AKTIP: variants seen among roughly 807,000 people sequenced by gnomAD.
The protein encoded by AKTIP is AKT interacting protein.
Under a neutral mutation model 39.1 loss-of-function variants are expected in AKTIP, and 16 were observed. That is an observed-to-expected ratio of 0.41 (90% CI 0.28 to 0.62). The LOEUF (loss-of-function observed/expected upper bound fraction) is 0.62, where lower values mean the gene tolerates loss of function less well. Ranked by LOEUF, AKTIP falls within the 20% of genes least tolerant of loss-of-function variation. The pLI is 0.32. For synonymous variants in AKTIP, 93 were observed against 124.3 expected (o/e 0.75, Z 1.67); for missense variants, 262 against 356.6 (o/e 0.73, Z 2.14).
chr16:53,493,713 T>G lies in AKTIP; in HGVS notation c.710+425A>C, dbSNP rs772118394. On this transcript the variant is annotated intron_variant, in intron 8 of 9. Coordinates refer to ENST00000394657, the MANE Select transcript of AKTIP (RefSeq NM_022476.4). Reference sequence around the variant, plus strand: ...CCATTCCCAATACTCCTCCAGACACTGTTCCTTAAATCAAATGTCATAGTG... The same window carrying G: ...CCATTCCCAATACTCCTCCAGACACGGTTCCTTAAATCAAATGTCATAGTG... The G allele has an allele frequency of 5.5e-5, 10 of 181,734 alleles. No homozygotes were observed. The East Asian group carries it at 1.4e-3, about 25-fold the overall frequency. 11.3% of individuals were successfully genotyped at this position (181,734 alleles called of 1,614,324 possible).
chr16:53,495,425 T>G (rs895473872), intron 3 of AKTIP, 99 bp from the exon 4 acceptor site: 11 of 1,136,506 alleles, frequency 9.7e-6, no homozygotes, highest in Non-Finnish European at 1.4e-5. Flanking sequence ...GGCCCCTCAA[T>G]GGGCAGCTGA....
chr16:53,496,820 G>A (rs912881959), intron 3 of AKTIP, among the ~76,000 whole-genome samples: 1 of 151,992 alleles, frequency 6.6e-6, no homozygotes, highest in South Asian at 2.1e-4. Flanking sequence ...CAGCCTGGGT[G>A]ACACAGTGAG....
Position 53,492,539 on chromosome 16 carries a change from C to T in AKTIP, c.772-20G>A, listed in dbSNP as rs760227817. On this transcript the variant is annotated intron_variant, in intron 9 of 9. Transcript: ENST00000394657. ...AGGCTTCTTCTAGGCACAATCAAAACAGATATTTAAAAAATTACTGGTGAG... is the reference window on the plus strand; with the variant it reads ...AGGCTTCTTCTAGGCACAATCAAAATAGATATTTAAAAAATTACTGGTGAG... The T allele has an allele frequency of 6.8e-6, 11 of 1,613,208 alleles. No individual in the cohort carries two copies. The highest frequency in any genetic ancestry group is 1.3e-5 in the African/African-American group (1 of 74,890).
chr16:53,500,186 G>A (rs751299482), intron 2 of AKTIP, 32 bp downstream of exon 2: 3 of 1,544,546 alleles, frequency 1.9e-6, no homozygotes, highest in South Asian at 2.3e-5. Flanking sequence ...AAGCAAATGG[G>A]TTTTCTTACT....
chr16:53,501,195 C>T (rs1032288705), intron 1 of AKTIP: 2 of 152,192 alleles, frequency 1.3e-5, no homozygotes, highest in Admixed American at 1.3e-4. Flanking sequence ...ACTAAGACGA[C>T]AAAAGTAGTT....
At chr16:53,502,139 G>T (rs935846023) in intron 1 of AKTIP, among the ~76,000 whole-genome samples, 4 of 152,148 alleles carry the variant, frequency 2.6e-5, no homozygotes, top group Non-Finnish European at 5.9e-5. Context: ...AGTAAATTTT[G>T]TCCCCAGTTC....
In AKTIP at chr16:53,498,735, G is replaced by T; in HGVS notation, c.43-139C>A. The stretch of plus-strand genomic sequence containing the variant: ...ACACCATGACCAAGATGACTAGAAA[G>T]TCCTTTGGGCAGGCAGGTCATATAA... On this transcript the variant is annotated intron_variant, in intron 2 of 9. Transcript: ENST00000394657. 4 of 856,276 alleles carry T rather than the reference G, an allele frequency of 4.7e-6. No homozygotes were observed. In the South Asian group the frequency reaches 5.0e-5, roughly 11 times the overall value. The allele number at this position is 856,276 out of a possible 1,614,324, so 53.0% of individuals were successfully genotyped here.
At position 53,498,542 on chromosome 16, in the gene AKTIP, G is replaced by A. The variant is rs1961978361; in HGVS notation, c.97C>T (p.Arg33Ter). 1.2e-6 allele frequency: 2 copies of A among 1,614,114 alleles called. No homozygotes were observed. The highest frequency in any genetic ancestry group is 1.7e-5 in the Admixed American group (1 of 60,028). The change falls in exon 3 of 10, where the codon CGA becomes TGA. Residue 33 changes from arginine (R) to a stop codon, truncating the protein, a stop_gained. Transcript: ENST00000394657. LOFTEE classifies it high-confidence loss of function. ...GGCAGCTGTTTCTTTGGTGCAGTTC[G>A]TGGAGGACTGGTTTTCACGTCCCCT... ...LTGDVKTSPP[R>*]TAPKKQLPSI...
chr16:53,492,784 T>C (rs1405500573), intron 8 of AKTIP, 31 bp from the exon 9 acceptor site: 3 of 1,596,620 alleles, frequency 1.9e-6, no homozygotes, highest in Non-Finnish European at 2.6e-6. Context: ...TTAAAAACTA[T>C]TTGTTGGCTC....
At chr16:53,497,331 G>A (rs1194958472) in intron 3 of AKTIP, among the ~76,000 whole-genome samples, 2 of 152,148 alleles carry the variant, frequency 1.3e-5, no homozygotes, top group Non-Finnish European at 2.9e-5. Context: ...TGCAGACCTC[G>A]GTGACCAGTC....
Position 53,492,482 on chromosome 16 carries a change from G to C in AKTIP, c.809C>G (p.Ala270Gly). ...GCCAGGCTTTACCCATGACAGGCCA[G>C]CAACATGAACACTTTTATTGTGCTG... ...EEQHNKSVHV[A>G]GLSWVKPGSV... The change falls in exon 10 of 10, where the codon GCT (alanine) becomes GGT (glycine). Residue 270 changes from alanine (A) to glycine (G), a missense_variant. By Grantham distance (60) the Ala-to-Gly change is moderately conservative (BLOSUM62 0). Coordinates refer to ENST00000394657, the MANE Select transcript of AKTIP (RefSeq NM_022476.4). The C allele has an allele frequency of 6.2e-7, 1 of 1,613,938 alleles. No individual in the cohort carries two copies.
At chr16:53,503,409 C>G (rs1237528794), upstream of AKTIP, among the ~76,000 whole-genome samples, 1 of 152,222 alleles carries the variant, frequency 6.6e-6, no homozygotes, top group African/African-American at 2.4e-5. Flanking sequence ...GGGAAGAACA[C>G]ACTCGGTCCT....
intron 5 of AKTIP, 63 bp downstream of exon 5, chr16:53,495,010 T>C: frequency 1.4e-6 from 2 of 1,412,984 alleles, no homozygotes; most frequent in Non-Finnish European, 2.0e-6. Context: ...CCAGGAAAGC[T>C]GTAAGCCCTT....
rs1961424587 is a variant in AKTIP, at chr16:53,491,214, C to T, written c.*1198G>A. 6.6e-6 allele frequency: 1 copy of T among 152,072 alleles called. No individual in the cohort carries two copies. The highest frequency in any genetic ancestry group is 1.5e-5 in the Non-Finnish European group (1 of 68,014). 9.4% of individuals were successfully genotyped at this position (152,072 alleles called of 1,614,324 possible). A position where few individuals can be genotyped will look rare whatever the true frequency, so the allele number is the denominator to read the frequency against. ...GGGGATTAATATGAAAACTTATGAC[C>T]TCTTCCTTTAGGAGGGAGTTATCTA... On this transcript the variant is annotated 3_prime_UTR_variant, in exon 10 of 10. Transcript: ENST00000394657.
At chr16:53,498,336 T>A in intron 3 of AKTIP, 55 bp downstream of exon 3, 1 of 1,566,270 alleles carries the variant, frequency 6.4e-7, no homozygotes, top group Non-Finnish European at 8.8e-7. Context: ...TAAATTTCAT[T>A]CTTCACTTTA....
upstream of AKTIP, chr16:53,504,372 T>C (rs1962346692): frequency 6.6e-6 from 1 of 152,232 alleles, no homozygotes; most frequent in African/African-American, 2.4e-5. Context: ...AGAAGCCGCA[T>C]TCTCTGGCCG....
intron 1 of AKTIP, 114 bp from the exon 2 acceptor site, chr16:53,500,443 T>C (rs1039366144): frequency 3.8e-6 from 2 of 529,854 alleles, no homozygotes; most frequent in Admixed American, 4.2e-5. Flanking sequence ...AGTGGTGTGA[T>C]CTCGGCTCAC....
intron 5 of AKTIP, 50 bp downstream of exon 5, chr16:53,495,023 A>C (rs1270727765): frequency 6.6e-7 from 1 of 1,507,144 alleles, no homozygotes; most frequent in Non-Finnish European, 9.2e-7. Context: ...AAGCCCTTTC[A>C]GCCCTTCTCG....
At chr16:53,495,443 A>C (rs1598152994) in intron 3 of AKTIP, 117 bp from the exon 4 acceptor site, 1 of 905,706 alleles carries the variant, frequency 1.1e-6, no homozygotes. Flanking sequence ...TGATGCCCAA[A>C]CCCTGCAAGC....
Sources: allele counts gnomAD v4.1 joint callset (sites outside exome capture counted in the v4.1 genomes callset), GRCh38; gene constraint gnomAD v4.1.1; transcripts MANE v1.5; gene names NCBI Gene and HGNC (gene_info 2026-07-23, HGNC 2026-07-21).